Variants in CD200R1 observed in about 807,000 individuals in gnomAD.
The protein encoded by CD200R1 is CD200 receptor 1.
A neutral mutation model predicts 38.1 loss-of-function variants in CD200R1; 30 were observed. The ratio of observed to expected loss-of-function variants is 0.79; its 90% confidence interval spans 0.59 to 1.07. CD200R1 has a LOEUF of 1.07. Ranked by LOEUF, CD200R1 falls within the 50% of genes least tolerant of loss-of-function variation. CD200R1 has a pLI of 0.00. For missense variants in CD200R1, 372 were observed against 415.4 expected, an observed-to-expected ratio of 0.90 and a Z score of 0.91; for synonymous variants, 128 against 152.1, an observed-to-expected ratio of 0.84 and a Z score of 1.16.
intron 2 of CD200R1, among the ~76,000 whole-genome samples, chr3:112,939,508 T>A (rs138583094): frequency 0.021 from 3,250 of 151,742 alleles, 40 homozygotes; most frequent in South Asian, 0.047. Context: ...AAGGAAATCA[T>A]GAAAGCAATC....
rs1417542023 is a variant in CD200R1 at position 112,921,590 on chromosome 3, C to A, written c.*2087G>T. On this transcript the variant is annotated 3_prime_UTR_variant, in exon 8 of 8. Transcript: ENST00000308611. ...GTAATCGACTATGTAAGTAATCACA[C>A]CTAACTCCGTCTCAGCCTCTGCTTC... 6.6e-6 allele frequency: 1 copy of A among 151,964 alleles called. No homozygotes were observed. The highest frequency in any genetic ancestry group is 2.4e-5 in the African/African-American group (1 of 41,406). 9.4% of individuals were successfully genotyped at this position (151,964 alleles called of 1,614,324 possible).
intron 1 of CD200R1, 21 bp from the exon 2 acceptor site, chr3:112,947,945 A>G (rs1559951936): frequency 2.0e-6 from 3 of 1,522,600 alleles, no homozygotes; most frequent in Non-Finnish European, 2.7e-6. Context: ...AAAAAGACAT[A>G]GGGGGTAGAG....
chr3:112,932,998 C>G (rs747398100), intron 2 of CD200R1, among the ~76,000 whole-genome samples: 1 of 152,176 alleles, frequency 6.6e-6, no homozygotes. Flanking sequence ...CGGGCCCCTA[C>G]TGTGAACAAC....
At chr3:112,968,091 C>T (rs868474332) in intron 1 of CD200R1, among the ~76,000 whole-genome samples, 1 of 152,162 alleles carries the variant, frequency 6.6e-6, no homozygotes, top group African/African-American at 2.4e-5. Context: ...AATTACATAA[C>T]TGATCTTTAG....
intron 1 of CD200R1, among the ~76,000 whole-genome samples, chr3:112,973,612 G>A (rs573802541): frequency 3.9e-5 from 6 of 152,280 alleles, no homozygotes; most frequent in African/African-American, 1.4e-4. Flanking sequence ...CAATAGAAAG[G>A]TGCAGTCAAA....
At chr3:112,928,787 TAAAAA>T (rs772010207) in intron 5 of CD200R1, 24 bp downstream of exon 5, 1 of 1,521,828 alleles carries the variant, frequency 6.6e-7, no homozygotes, top group Non-Finnish European at 8.9e-7. Flanking sequence ...TGGAAAAAAA[TAAAAA>T]ATAAAACTAA....
chr3:112,929,562 T>TA, intron 3 of CD200R1, 55 bp from the exon 4 acceptor site: 1 of 1,457,238 alleles, frequency 6.9e-7, no homozygotes. Context: ...CTTCATGTGT[T>TA]ACATTTATCC....
chr3:112,944,480 A>AG (rs71134864), intron 2 of CD200R1, among the ~76,000 whole-genome samples: 1 of 151,558 alleles, frequency 6.6e-6, no homozygotes, highest in African/African-American at 2.4e-5. Context: ...ATAAAGAGAA[A>AG]TTTCTCAACT....
chr3:112,964,409 T>G (rs777959102), intron 1 of CD200R1, among the ~76,000 whole-genome samples: 2 of 152,182 alleles, frequency 1.3e-5, no homozygotes, highest in Non-Finnish European at 2.9e-5. Context: ...GGGGCAGAGC[T>G]ACCCAAGACC....
chr3:112,942,463 T>C (rs1002565176), intron 2 of CD200R1, among the ~76,000 whole-genome samples: 1 of 151,540 alleles, frequency 6.6e-6, no homozygotes, highest in African/African-American at 2.4e-5. Flanking sequence ...AATAGAAATA[T>C]AACTAATATG....
chr3:112,940,746 C>G (rs1940707423), intron 2 of CD200R1, among the ~76,000 whole-genome samples: 1 of 151,536 alleles, frequency 6.6e-6, no homozygotes, highest in Non-Finnish European at 1.5e-5. Context: ...TATGGAAGTT[C>G]CTAAAAAAAT....
chr3:112,968,682 G>A (rs1933225898), intron 1 of CD200R1, among the ~76,000 whole-genome samples: 1 of 152,172 alleles, frequency 6.6e-6, no homozygotes, highest in Non-Finnish European at 1.5e-5. Context: ...TTTACTCTCT[G>A]AAAAGTGACA....
chr3:112,926,260 A>G (rs986371353), intron 5 of CD200R1, among the ~76,000 whole-genome samples: 4 of 152,208 alleles, frequency 2.6e-5, no homozygotes, highest in African/African-American at 9.6e-5. Flanking sequence ...CTGGTGTTGC[A>G]TGAATATAGC....
chr3:112,933,997 C>T (rs1940517187), intron 2 of CD200R1, among the ~76,000 whole-genome samples: 1 of 150,946 alleles, frequency 6.6e-6, no homozygotes, highest in Non-Finnish European at 1.5e-5. Flanking sequence ...CATCAGTAAG[C>T]AAAAAACATT....
chr3:112,925,242 G>A (rs777659068), intron 5 of CD200R1, 49 bp from the exon 6 acceptor site: 44 of 862,628 alleles, frequency 5.1e-5, no homozygotes, highest in Admixed American at 2.6e-4. Flanking sequence ...TCCAAATAAT[G>A]TACTATCTTA....
chr3:112,930,183 G>GTGA (rs1456245537), intron 3 of CD200R1, among the ~76,000 whole-genome samples: 2 of 151,218 alleles, frequency 1.3e-5, no homozygotes, highest in African/African-American at 4.9e-5. Context: ...ATAATGCCCT[G>GTGA]TGATAAGAGA....
chr3:112,930,225 T>C (rs1940395697), intron 3 of CD200R1, among the ~76,000 whole-genome samples: 1 of 152,140 alleles, frequency 6.6e-6, no homozygotes, highest in Admixed American at 6.5e-5. Flanking sequence ...TGTGAAAATA[T>C]AGTGTGATAT....
chr3:112,930,560 TG>T (rs1940404999), intron 3 of CD200R1, among the ~76,000 whole-genome samples: 2 of 152,378 alleles, frequency 1.3e-5, no homozygotes, highest in South Asian at 4.1e-4. Context: ...GTCAGTGACT[TG>T]GTAAGGGTTT....
chr3:112,954,999 C>T (rs947440048), intron 1 of CD200R1, among the ~76,000 whole-genome samples: 14 of 152,192 alleles, frequency 9.2e-5, no homozygotes, highest in Middle Eastern at 3.4e-3. Context: ...CAGGATACAA[C>T]CAGCTGGTGT....
Sources: gnomAD v4.1 joint callset for allele counts (sites outside exome capture counted in the v4.1 genomes callset) on GRCh38, gnomAD v4.1.1 for gene constraint, MANE v1.5 for transcripts, NCBI Gene and HGNC (gene_info 2026-07-23, HGNC 2026-07-21) for gene names.